CFAP97: variants seen among roughly 807,000 people sequenced by gnomAD.
The protein encoded by CFAP97 is cilia- and flagella-associated protein 97.
In CFAP97, 36 loss-of-function variants were observed where a neutral mutation model predicts 43.1. The ratio of observed to expected loss-of-function variants is 0.84; its 90% CI spans 0.64 to 1.10. CFAP97 has a LOEUF of 1.10. CFAP97 is among the 50% of genes least tolerant of loss of function. CFAP97 has a pLI of 0.00. For synonymous variants in CFAP97, 228 were observed against 225.7 expected, an observed-to-expected ratio of 1.01 and a Z score of -0.09; for missense variants, 657 against 620.3, an observed-to-expected ratio of 1.06 and a Z score of -0.63.
chr4:185,173,766 G>C (rs1735404319), intron 3 of CFAP97, among the ~76,000 whole-genome samples: 1 of 152,162 alleles, frequency 6.6e-6, no homozygotes, highest in Non-Finnish European at 1.5e-5. Flanking sequence ...AATAAGCACA[G>C]CATCTGTATG....
chr4:185,169,022 T>A (rs550985263), intron 3 of CFAP97: 2 of 152,292 alleles, frequency 1.3e-5, no homozygotes, highest in South Asian at 4.1e-4. Context: ...TACTTACACA[T>A]CCATCATCTC....
intron 2 of CFAP97, 146 bp downstream of exon 2, chr4:185,189,997 T>G (rs886611507): frequency 1.2e-4 from 70 of 573,042 alleles, no homozygotes; most frequent in Non-Finnish European, 1.5e-4. Flanking sequence ...TATGGTAAAA[T>G]AGAGTATTTG....
chr4:185,194,615 A>T (rs113160659), intron 1 of CFAP97, among the ~76,000 whole-genome samples: 5 of 151,958 alleles, frequency 3.3e-5, no homozygotes, highest in Non-Finnish European at 5.9e-5. Flanking sequence ...GCAGCCTCCA[A>T]CTCCTGGGCT....
upstream of CFAP97, among the ~76,000 whole-genome samples, chr4:185,206,783 A>G (rs537202129): frequency 2.1e-4 from 32 of 152,206 alleles, no homozygotes; most frequent in African/African-American, 7.7e-4. Context: ...TTACATGATT[A>G]TGGAGGCTGA....
rs1347193851 is a variant in CFAP97, at chr4:185,191,055, T to A, written c.142A>T (p.Thr48Ser). The change falls in exon 2 of 5, where the codon ACA (threonine) becomes TCA (serine). Residue 48 changes from threonine (T) to serine (S), a missense_variant. Coordinates refer to ENST00000458385, the MANE Select transcript of CFAP97 (RefSeq NM_020827.3). ...CCAGTGTTCGAATTTACATTTTTTG[T>A]ATCTTTATCTATTCTTTCCTTTGGG... ...DDPKERIDKD[T>S]KNVNSNTGMQ... 6.2e-7 allele frequency: 1 copy of A among 1,613,518 alleles called. No individual in the cohort carries two copies. The highest frequency in any genetic ancestry group is 1.1e-5 in the South Asian group (1 of 90,968).
chr4:185,167,327 G>A (rs549430373), intron 3 of CFAP97, among the ~76,000 whole-genome samples: 1 of 152,164 alleles, frequency 6.6e-6, no homozygotes, highest in Non-Finnish European at 1.5e-5. Context: ...AATTAGCCGG[G>A]CGTGGTTGCA....
chr4:185,196,448 CAGA>C (rs1255785027), intron 1 of CFAP97, among the ~76,000 whole-genome samples: 5 of 137,738 alleles, frequency 3.6e-5, no homozygotes, highest in Non-Finnish European at 1.5e-5. Context: ...GCCTGGGGGA[CAGA>C]AGGATAGTCC....
upstream of CFAP97, among the ~76,000 whole-genome samples, chr4:185,208,218 A>G (rs950616622): frequency 2.6e-5 from 4 of 151,916 alleles, no homozygotes; most frequent in Non-Finnish European, 2.9e-5. Context: ...AAGTTTCACT[A>G]TGTTGGCCAG....
Position 185,164,136 on chromosome 4 carries a change from A to ATG in CFAP97, c.1363_1364insCA (p.Met455ThrfsTer2). On this transcript the variant is annotated frameshift_variant, in exon 4 of 5. Transcript: ENST00000458385. LOFTEE classifies it high-confidence loss of function. ...GTCCATCAGTTGTTCTGAACGTTTC[A>ATG]TACCAACTGTTGGTTTCACGGCCTC... 1 of 1,614,018 alleles carries ATG rather than the reference A, an allele frequency of 6.2e-7. No individual in the cohort carries two copies. The highest frequency in any genetic ancestry group is 8.5e-7 in the Non-Finnish European group (1 of 1,179,876).
chr4:185,194,413 C>A (rs1435734156), intron 1 of CFAP97, among the ~76,000 whole-genome samples: 1 of 152,176 alleles, frequency 6.6e-6, no homozygotes, highest in Non-Finnish European at 1.5e-5. Flanking sequence ...CACTTGAATG[C>A]AGGAGGCAGA....
chr4:185,205,785 C>A (rs764966571), upstream of CFAP97, among the ~76,000 whole-genome samples: 1 of 152,168 alleles, frequency 6.6e-6, no homozygotes, highest in Non-Finnish European at 1.5e-5. Context: ...GCTGAGATCA[C>A]GCCATTGTAC....
chr4:185,169,566 A>G, intron 3 of CFAP97: 1 of 959,794 alleles, frequency 1.0e-6, no homozygotes, highest in Non-Finnish European at 1.2e-6. Flanking sequence ...ATGGACTAAT[A>G]CACTTGTCCA....
chr4:185,188,776 T>C (rs902264340), intron 2 of CFAP97, among the ~76,000 whole-genome samples: 7 of 152,200 alleles, frequency 4.6e-5, no homozygotes, highest in Non-Finnish European at 1.0e-4. Context: ...GAAAACTCTT[T>C]AATGCTGAAA....
chr4:185,179,955 C>A (rs1735717432), intron 2 of CFAP97, among the ~76,000 whole-genome samples: 1 of 152,094 alleles, frequency 6.6e-6, no homozygotes, highest in South Asian at 2.1e-4. Flanking sequence ...TGAATTTTAT[C>A]TTTTTAGTGT....
rs73876918 is a variant in CFAP97, at chr4:185,169,728, T to C, written c.1321-5549A>G. On this transcript the variant is annotated intron_variant, in intron 3 of 4. Coordinates refer to ENST00000458385, the MANE Select transcript of CFAP97 (RefSeq NM_020827.3). Reference sequence around the variant, plus strand: ...AGTTGCTTTAGTGTTTCTAGAGCGATGAAGCAAAGACCTTGTAAGGACACT... The same window carrying C: ...AGTTGCTTTAGTGTTTCTAGAGCGACGAAGCAAAGACCTTGTAAGGACACT... 1,656 of 985,410 alleles carry C rather than the reference T, an allele frequency of 1.7e-3. 22 individuals carry two copies. In the African/African-American group the frequency reaches 0.027, roughly 16 times the overall value. The allele number at this position is 985,410 out of a possible 1,614,324, so 61.0% of individuals were successfully genotyped here.
At chr4:185,163,003 A>C in intron 4 of CFAP97, 78 bp from the exon 5 acceptor site, 1 of 1,309,902 alleles carries the variant, frequency 7.6e-7, no homozygotes, top group Non-Finnish European at 1.0e-6. Flanking sequence ...TCCACATTCT[A>C]TGTGTGTCTA....
chr4:185,191,039 G>T lies in CFAP97; in HGVS notation c.158C>A (p.Ser53Ter), dbSNP rs373566490. ...TTCTGTTGTTTGCATTCCAGTGTTC[G>T]AATTTACATTTTTTGTATCTTTATC... is the stretch of plus-strand genomic sequence containing the variant. ...RIDKDTKNVN[S>*]NTGMQTTENY... The change falls in exon 2 of 5, where the codon TCG (serine) becomes TAG (stop). Residue 53 changes from serine to a stop codon, truncating the protein, a stop_gained. Transcript: ENST00000458385. LOFTEE classifies it high-confidence loss of function. The T allele has an allele frequency of 6.2e-7, 1 of 1,612,982 alleles. No individual in the cohort carries two copies. Among genetic ancestry groups the T allele is most frequent in the Non-Finnish European group, 8.5e-7 (1 of 1,179,448 alleles).
intron 3 of CFAP97, among the ~76,000 whole-genome samples, 179 bp from the exon 4 acceptor site, chr4:185,164,358 C>T (rs918439343): frequency 1.3e-5 from 2 of 152,106 alleles, no homozygotes; most frequent in Non-Finnish European, 2.9e-5. Flanking sequence ...CCATCTCAGC[C>T]TCTCAAGTAG....
upstream of CFAP97, among the ~76,000 whole-genome samples, chr4:185,207,285 C>T (rs868798674): frequency 4.5e-5 from 6 of 132,340 alleles, no homozygotes; most frequent in Non-Finnish European, 6.1e-5. Context: ...GGTGCGATCT[C>T]GGCTCACTGC....
Sources: allele counts gnomAD v4.1 joint callset (sites outside exome capture counted in the v4.1 genomes callset), GRCh38; gene constraint gnomAD v4.1.1; transcripts MANE v1.5; gene names NCBI Gene and HGNC (gene_info 2026-07-23, HGNC 2026-07-21).